GIGYF2: variants seen among roughly 807,000 people sequenced by gnomAD.
GIGYF2 encodes GRB10 interacting GYF protein 2, also known as GRB10-interacting GYF protein 2.
A neutral mutation model predicts 208.1 loss-of-function variants in GIGYF2; 25 were observed. The observed-to-expected ratio is 0.12, with a 90% CI of 0.09 to 0.17. The LOEUF is 0.17. GIGYF2 is among the 10% of genes least tolerant of loss of function. GIGYF2 has a pLI of 1.00. For missense variants in GIGYF2, 1,302 were observed against 1,579.4 expected, an observed-to-expected ratio of 0.82 and a Z score of 2.98; for synonymous variants, 534 against 543.8, an observed-to-expected ratio of 0.98 and a Z score of 0.25.
intron 27 of GIGYF2, among the ~76,000 whole-genome samples, chr2:232,848,650 A>G (rs1028112613): frequency 6.7e-6 from 1 of 149,808 alleles, no homozygotes; most frequent in African/African-American, 2.4e-5. Context: ...ACAAACAAAA[A>G]GTGAAATCAT....
At chr2:232,738,990 TGTTA>T (rs1697858275) in intron 3 of GIGYF2, among the ~76,000 whole-genome samples, 1 of 152,348 alleles carries the variant, frequency 6.6e-6, no homozygotes, top group East Asian at 1.9e-4. Context: ...GTTTTTTTGT[TGTTA>T]GTTTCATTAA....
At chr2:232,851,780 A>G (rs1236599694) in intron 28 of GIGYF2, among the ~76,000 whole-genome samples, 2 of 152,220 alleles carry the variant, frequency 1.3e-5, no homozygotes, top group Admixed American at 1.3e-4. Flanking sequence ...GTTGTCTGCA[A>G]TAGAATACAT....
intron 8 of GIGYF2, among the ~76,000 whole-genome samples, chr2:232,782,372 A>G (rs1029873591): frequency 2.6e-5 from 4 of 152,140 alleles, no homozygotes; most frequent in South Asian, 2.1e-4. Flanking sequence ...CAGTAGTACT[A>G]TTTCTTTGGG....
rs181125816 is a variant in GIGYF2 at position 232,750,838 on chromosome 2, G to A, written c.267+1756G>A. Among the ~76,000 whole-genome samples, 9 of 151,920 alleles carry A rather than the reference G, an allele frequency of 5.9e-5. No homozygotes were observed. In the East Asian group the frequency reaches 1.5e-3, roughly 26 times the overall value. ...AGCTAGGTTCTCACTCTGTCATCCA[G>A]GCTGGAGTATAGTGAGGGTCTCACT... is the stretch of plus-strand genomic sequence containing the variant. On this transcript the variant is annotated intron_variant, in intron 5 of 28. Coordinates refer to ENST00000373563, the MANE Select transcript of GIGYF2 (RefSeq NM_001103146.3).
chr2:232,810,853 G>A (rs1222122650), intron 16 of GIGYF2: 3 of 217,764 alleles, frequency 1.4e-5, no homozygotes, highest in African/African-American at 2.4e-5. Context: ...TTTTACAAAG[G>A]GTACGTCATA....
Position 232,703,454 on chromosome 2 carries a change from A to T in GIGYF2, c.-79A>T, listed in dbSNP as rs759102533. 2.6e-5 allele frequency: 4 copies of T among 152,648 alleles called. No individual in the cohort carries two copies. The highest frequency in any genetic ancestry group is 5.9e-5 in the Non-Finnish European group (4 of 68,044). 9.5% of individuals were successfully genotyped at this position (152,648 alleles called of 1,614,324 possible). A position where few individuals can be genotyped will look rare whatever the true frequency, so the allele number is the denominator to read the frequency against. On this transcript the variant is annotated 5_prime_UTR_variant, in exon 2 of 29. Coordinates refer to ENST00000373563, the MANE Select transcript of GIGYF2 (RefSeq NM_001103146.3). ...AAAGGATCTGAACAAAGTCTGCTCA[A>T]ATCTCCTGCTGTGAACCAGCAGAAT...
At chr2:232,741,550 C>T (rs1221692128) in intron 3 of GIGYF2, among the ~76,000 whole-genome samples, 6 of 151,738 alleles carry the variant, frequency 4.0e-5, no homozygotes, top group Non-Finnish European at 7.4e-5. Context: ...TCAAGCGATT[C>T]TCCTGCTTCA....
Position 232,859,605 on chromosome 2 carries a change from G to T in GIGYF2, c.*2745G>T, listed in dbSNP as rs1420646528. 6.6e-6 allele frequency: 1 copy of T among 152,396 alleles called. No homozygotes were observed. Among genetic ancestry groups the T allele is most frequent in the East Asian group, 1.9e-4 (1 of 5,206 alleles). 9.4% of individuals were successfully genotyped at this position (152,396 alleles called of 1,614,324 possible). A position where few individuals can be genotyped will look rare whatever the true frequency, so the allele number is the denominator to read the frequency against. ...CTTCATTCTGTGGGTCAGGAATTTG[G>T]ATAGGGCTCAGCTGGGTGGTGGTTC... On this transcript the variant is annotated 3_prime_UTR_variant, in exon 29 of 29. Coordinates refer to ENST00000373563, the MANE Select transcript of GIGYF2 (RefSeq NM_001103146.3).
chr2:232,734,675 CAGA>C (rs1055429862), intron 2 of GIGYF2, among the ~76,000 whole-genome samples: 1 of 152,074 alleles, frequency 6.6e-6, no homozygotes, highest in Non-Finnish European at 1.5e-5. Context: ...TGCTAATAAG[CAGA>C]AGGTGAGGAG....
chr2:232,766,187 T>A (rs1349844042), intron 8 of GIGYF2, among the ~76,000 whole-genome samples: 1 of 152,220 alleles, frequency 6.6e-6, no homozygotes, highest in Non-Finnish European at 1.5e-5. Context: ...TGCAAAAAAG[T>A]TTTGGATCAC....
intron 1 of GIGYF2, among the ~76,000 whole-genome samples, chr2:232,703,208 C>CT (rs1241543578): frequency 1.3e-5 from 2 of 152,182 alleles, no homozygotes; most frequent in African/African-American, 2.4e-5. Flanking sequence ...TCACTTAGGA[C>CT]TTTTGTTAAA....
chr2:232,822,484 C>T (rs1399776004), intron 21 of GIGYF2, among the ~76,000 whole-genome samples: 1 of 152,196 alleles, frequency 6.6e-6, no homozygotes, highest in Non-Finnish European at 1.5e-5. Flanking sequence ...AGTTCGAGAC[C>T]AGCCTGGCCA....
chr2:232,851,658 G>T (rs1036316860), intron 28 of GIGYF2, among the ~76,000 whole-genome samples: 4 of 152,192 alleles, frequency 2.6e-5, no homozygotes, highest in Non-Finnish European at 4.4e-5. Flanking sequence ...GACTTCAGGT[G>T]ATCTTCTTGC....
intron 18 of GIGYF2, among the ~76,000 whole-genome samples, chr2:232,812,992 C>G (rs116836095): frequency 0.013 from 1,971 of 147,842 alleles, 32 homozygotes; most frequent in African/African-American, 0.047. Context: ...CAGAGCAAAA[C>G]TCTAAGAAAG....
At chr2:232,848,985 T>C (rs556597388) in intron 27 of GIGYF2, among the ~76,000 whole-genome samples, 3 of 152,320 alleles carry the variant, frequency 2.0e-5, no homozygotes, top group African/African-American at 4.8e-5. Flanking sequence ...CTTAAAGATA[T>C]TCATATCCTT....
intron 8 of GIGYF2, chr2:232,768,030 G>A (rs1699045522): frequency 3.0e-6 from 2 of 671,556 alleles, no homozygotes; most frequent in South Asian, 3.7e-5. Context: ...TTTCCAGAAT[G>A]TGTATTGTTA....
In GIGYF2 at chr2:232,857,908, A is replaced by C. The variant is rs938604891; in HGVS notation, c.*1048A>C. On this transcript the variant is annotated 3_prime_UTR_variant, in exon 29 of 29. Coordinates refer to ENST00000373563, the MANE Select transcript of GIGYF2 (RefSeq NM_001103146.3). ...TTTGTGTAAAGATTCTGGGATGGCA[A>C]GTTGTTTGCCTTTTCTGAAAAGAGA... 5.2e-5 allele frequency: 8 copies of C among 152,682 alleles called. No homozygotes were observed. The highest frequency in any genetic ancestry group is 1.9e-4 in the African/African-American group (8 of 41,430). 9.5% of individuals were successfully genotyped at this position (152,682 alleles called of 1,614,324 possible).
At chr2:232,756,438 A>G in intron 6 of GIGYF2, 104 bp downstream of exon 6, 1 of 615,150 alleles carries the variant, frequency 1.6e-6, no homozygotes, top group South Asian at 2.3e-5. Context: ...CTGTTCTTTG[A>G]CATTAACTGC....
intron 15 of GIGYF2, among the ~76,000 whole-genome samples, chr2:232,808,179 C>T (rs1459505131): frequency 1.3e-5 from 2 of 152,204 alleles, no homozygotes; most frequent in Admixed American, 6.5e-5. Context: ...AATTATTTCT[C>T]ACACCATCCT....
Sources: gnomAD v4.1 joint callset for allele counts (sites outside exome capture counted in the v4.1 genomes callset) on GRCh38, gnomAD v4.1.1 for gene constraint, MANE v1.5 for transcripts, NCBI Gene and HGNC (gene_info 2026-07-23, HGNC 2026-07-21) for gene names.